Variants in NAALADL2 observed in about 807,000 individuals in gnomAD.
NAALADL2 encodes N-acetylated alpha-linked acidic dipeptidase like 2.
Under a neutral mutation model 87.2 loss-of-function variants are expected in NAALADL2, and 76 were observed. The ratio of observed to expected loss-of-function variants is 0.87; its 90% CI spans 0.72 to 1.05. NAALADL2 has a LOEUF of 1.05. NAALADL2 is among the 50% of genes least tolerant of loss of function. The probability of loss-of-function intolerance (pLI) is 0.00; values close to 1 mark genes in which losing one functional copy is unlikely to be tolerated. For missense variants in NAALADL2, 1,089 were observed against 945.8 expected (o/e 1.15, Z -1.99); for synonymous variants, 354 against 331.0 (o/e 1.07, Z -0.75).
chr3:175,256,899 C>A (rs766601411), intron 4 of NAALADL2: 13 of 154,790 alleles, frequency 8.4e-5, no homozygotes, highest in South Asian at 2.0e-4. Flanking sequence ...TGTGAAACTT[C>A]TAATCTATTA....
intron 2 of NAALADL2, among the ~76,000 whole-genome samples, chr3:174,649,326 C>A (rs944185252): frequency 9.0e-4 from 137 of 152,176 alleles, no homozygotes; most frequent in African/African-American, 3.3e-3. Context: ...CAGATGAATT[C>A]CATATATAGT....
intron 2 of NAALADL2, among the ~76,000 whole-genome samples, chr3:174,681,189 C>T (rs1453505727): frequency 1.3e-5 from 2 of 152,164 alleles, no homozygotes; most frequent in Non-Finnish European, 2.9e-5. Flanking sequence ...CAACTGGAAC[C>T]TAAGTCCCAG....
chr3:174,905,049 G>A (rs1579454464), intron 1 of NAALADL2, among the ~76,000 whole-genome samples: 1 of 151,690 alleles, frequency 6.6e-6, no homozygotes, highest in East Asian at 1.9e-4. Flanking sequence ...ATTCTAGAAT[G>A]ACAGAGTTTA....
At chr3:175,009,814 G>C (rs529923762) in intron 1 of NAALADL2, among the ~76,000 whole-genome samples, 1 of 151,986 alleles carries the variant, frequency 6.6e-6, no homozygotes, top group Admixed American at 6.6e-5. Flanking sequence ...TCTAGGTCTG[G>C]TTACAACATA....
intron 2 of NAALADL2, among the ~76,000 whole-genome samples, chr3:175,118,021 A>T (rs551688950): frequency 1.3e-5 from 2 of 152,172 alleles, no homozygotes; most frequent in South Asian, 4.2e-4. Flanking sequence ...AAGGACAGAA[A>T]ATCAAACACC....
rs562892008 is a variant in NAALADL2, at chr3:174,606,260, C to T, written c.-115+55623C>T. ...AAACTGGAAACTTTAAAAAGCAGAG[C>T]GCCTCTCCTCCTGCAAAGGAACGCA... On this transcript the variant is annotated intron_variant, in intron 2 of 3. Coordinates refer to the NAALADL2 transcript ENST00000434257. 6.6e-5 allele frequency among the ~76,000 whole-genome samples: 10 copies of T among 152,294 alleles called. No homozygotes were observed. The South Asian group carries it at 8.3e-4, about 13-fold the overall frequency.
chr3:174,703,711 C>T (rs1218554442), intron 2 of NAALADL2, among the ~76,000 whole-genome samples: 1 of 152,220 alleles, frequency 6.6e-6, no homozygotes, highest in East Asian at 1.9e-4. Context: ...TTTATAACCT[C>T]GTTAAGGTAC....
rs1467336358 is a variant in NAALADL2, at chr3:175,805,119, A to G, written c.*1916A>G. 6.6e-6 allele frequency: 1 copy of G among 151,910 alleles called. No individual in the cohort carries two copies. The highest frequency in any genetic ancestry group is 1.5e-5 in the Non-Finnish European group (1 of 67,892). The allele number at this position is 151,910 out of a possible 1,614,324, so 9.4% of individuals were successfully genotyped here. On this transcript the variant is annotated 3_prime_UTR_variant, in exon 14 of 14. Transcript: ENST00000454872. ...GTAAGCCCAAAAGCTAGAAAGCCTT[A>G]TATTTAACCAAAGGTTGATGTGTTC...
intron 3 of NAALADL2, among the ~76,000 whole-genome samples, chr3:175,250,263 G>A (rs1294621484): frequency 7.0e-6 from 1 of 142,756 alleles, no homozygotes; most frequent in Non-Finnish European, 1.5e-5. Flanking sequence ...CTGTGTGTGT[G>A]TGTGTGTGTG....
At chr3:175,259,688 T>C (rs1750677093) in intron 4 of NAALADL2, among the ~76,000 whole-genome samples, 1 of 152,202 alleles carries the variant, frequency 6.6e-6, no homozygotes. Context: ...AATTGTTGTG[T>C]ATTTATTTTG....
At chr3:175,418,683 C>T (rs771501396) in intron 5 of NAALADL2, among the ~76,000 whole-genome samples, 5 of 151,816 alleles carry the variant, frequency 3.3e-5, no homozygotes, top group Non-Finnish European at 7.4e-5. Context: ...TGGTATTGGT[C>T]GATGAAATAT....
intron 2 of NAALADL2, among the ~76,000 whole-genome samples, chr3:175,225,155 G>T (rs1462936459): frequency 6.6e-6 from 1 of 152,040 alleles, no homozygotes; most frequent in Non-Finnish European, 1.5e-5. Flanking sequence ...ATCTTAACCT[G>T]TTTGCATTGT....
At chr3:175,667,765 T>C (rs908876162) in intron 11 of NAALADL2, among the ~76,000 whole-genome samples, 1 of 149,316 alleles carries the variant, frequency 6.7e-6, no homozygotes, top group Non-Finnish European at 1.5e-5. Flanking sequence ...TTTTTTTCTG[T>C]AACAGGAAGA....
At chr3:174,846,774 G>A (rs939845097) in intron 3 of NAALADL2, among the ~76,000 whole-genome samples, 2 of 151,950 alleles carry the variant, frequency 1.3e-5, no homozygotes, top group South Asian at 4.1e-4. Flanking sequence ...AAATTTTGCT[G>A]GTAACATGTT....
intron 1 of NAALADL2, among the ~76,000 whole-genome samples, chr3:174,544,785 A>G (rs1722583834): frequency 6.6e-6 from 1 of 151,584 alleles, no homozygotes; most frequent in South Asian, 2.1e-4. Context: ...TGGCCAGGAG[A>G]GTCTCGATCT....
chr3:174,452,283 A>G (rs1715542000), intron 1 of NAALADL2, among the ~76,000 whole-genome samples: 1 of 151,972 alleles, frequency 6.6e-6, no homozygotes, highest in African/African-American at 2.4e-5. Flanking sequence ...CTCTTCCTTG[A>G]CCCACTTGTT....
chr3:175,632,512 G>A (rs962503589), intron 11 of NAALADL2, among the ~76,000 whole-genome samples: 1 of 152,006 alleles, frequency 6.6e-6, no homozygotes, highest in Non-Finnish European at 1.5e-5. Flanking sequence ...TCAGGTTGTA[G>A]ATAAGAGTGT....
chr3:175,623,677 T>C lies in NAALADL2; in HGVS notation c.1801-3614T>C, dbSNP rs145888813. 3.2e-4 allele frequency among the ~76,000 whole-genome samples: 49 copies of C among 152,082 alleles called. 1 individual carries two copies. The East Asian group carries it at 7.3e-3, about 23-fold the overall frequency. On this transcript the variant is annotated intron_variant, in intron 10 of 13. Transcript: ENST00000454872. ...AAAGCAGAAAGAAGAGCTACACAGC[T>C]ACAACTAAATAATATTTACAGCCAC...
chr3:175,550,330 A>G (rs548249758), intron 9 of NAALADL2, among the ~76,000 whole-genome samples: 5 of 152,252 alleles, frequency 3.3e-5, no homozygotes, highest in African/African-American at 1.2e-4. Flanking sequence ...AAAGCAAATA[A>G]AAAGTGGCTT....
Sources: gnomAD v4.1 joint callset for allele counts (sites outside exome capture counted in the v4.1 genomes callset) on GRCh38, gnomAD v4.1.1 for gene constraint, MANE v1.5 for transcripts, NCBI Gene and HGNC (gene_info 2026-07-23, HGNC 2026-07-21) for gene names.